Variants in DDX19B observed in about 807,000 individuals in gnomAD.
DDX19B encodes the protein ATP-dependent RNA helicase DDX19B.
In DDX19B, 27 loss-of-function variants were observed where a neutral mutation model predicts 58.1. The observed-to-expected ratio is 0.46, with a 90% CI of 0.34 to 0.64. The LOEUF is 0.64. Among genes scored for constraint, DDX19B ranks in the 30% least tolerant of loss-of-function variants. DDX19B has a pLI of 0.01. For missense variants in DDX19B, 399 were observed against 596.5 expected, an observed-to-expected ratio of 0.67 and a Z score of 3.45; for synonymous variants, 187 against 214.4, an observed-to-expected ratio of 0.87 and a Z score of 1.12.
chr16:70,311,779 T>TA (rs1038228957), intron 1 of DDX19B, among the ~76,000 whole-genome samples: 3 of 152,200 alleles, frequency 2.0e-5, no homozygotes. Context: ...ACTGTGGTCT[T>TA]ACGGCTCTAA....
intron 5 of DDX19B, among the ~76,000 whole-genome samples, chr16:70,323,016 G>A (rs1391956427): frequency 1.3e-5 from 2 of 151,758 alleles, no homozygotes; most frequent in East Asian, 3.9e-4. Flanking sequence ...TCTTCTGTTT[G>A]TTTGTTTGTT....
At chr16:70,304,272 C>G (rs1446784036) in intron 1 of DDX19B, among the ~76,000 whole-genome samples, 2 of 151,646 alleles carry the variant, frequency 1.3e-5, no homozygotes, top group Non-Finnish European at 2.9e-5. Flanking sequence ...AACTGCTGAC[C>G]TCATGATCTG....
intron 8 of DDX19B, 142 bp from the exon 9 acceptor site, chr16:70,329,689 C>A (rs567676895): frequency 1.6e-6 from 2 of 1,286,778 alleles, no homozygotes; most frequent in Non-Finnish European, 2.2e-6. Flanking sequence ...CTGTCCCCAT[C>A]CCAGGCCTGC....
chr16:70,315,319 A>G (rs1962322168), intron 3 of DDX19B, among the ~76,000 whole-genome samples: 1 of 151,392 alleles, frequency 6.6e-6, no homozygotes, highest in South Asian at 2.1e-4. Context: ...CCCGGGAAGC[A>G]GAGCTTGCCA....
intron 4 of DDX19B, among the ~76,000 whole-genome samples, chr16:70,317,055 A>C (rs966746005): frequency 3.3e-5 from 5 of 151,988 alleles, no homozygotes; most frequent in Non-Finnish European, 7.4e-5. Context: ...AAATACAAAA[A>C]AAATTAGCAG....
chr16:70,323,790 C>T (rs1597492128), intron 5 of DDX19B, among the ~76,000 whole-genome samples: 1 of 152,130 alleles, frequency 6.6e-6, no homozygotes, highest in Non-Finnish European at 1.5e-5. Context: ...ACTCTTACCC[C>T]CTACCCTGCT....
chr16:70,327,937 A>T (rs1963261871), intron 7 of DDX19B, among the ~76,000 whole-genome samples: 1 of 152,092 alleles, frequency 6.6e-6, no homozygotes, highest in East Asian at 1.9e-4. Context: ...GATCATTGTA[A>T]GGTTAGGAGT....
At chr16:70,315,778 T>C in intron 3 of DDX19B, 191 bp from the exon 4 acceptor site, 1 of 727,870 alleles carries the variant, frequency 1.4e-6, no homozygotes, top group Non-Finnish European at 2.1e-6. Flanking sequence ...ATATGAGGCC[T>C]AAATGGGTGA....
chr16:70,298,630 A>T (rs927631530), upstream of DDX19B, among the ~76,000 whole-genome samples: 1 of 151,912 alleles, frequency 6.6e-6, no homozygotes, highest in Non-Finnish European at 1.5e-5. Context: ...CTGGGATTAC[A>T]TGCATGAGCC....
chr16:70,335,039 A>AG lies in DDX19B; in HGVS notation c.*1461dup, dbSNP rs1427006618. 1 of 152,178 alleles carries AG rather than the reference A, an allele frequency of 6.6e-6. No individual in the cohort carries two copies. The highest frequency in any genetic ancestry group is 1.5e-5 in the Non-Finnish European group (1 of 68,058). 9.4% of individuals were successfully genotyped at this position (152,178 alleles called of 1,614,324 possible). ...GCCAGATCTGCCTCCTGGGAAGGGA[A>AG]GGGGCCAATGTCAGCCTCCAGGTGA... On this transcript the variant is annotated 3_prime_UTR_variant, in exon 12 of 12. Transcript: ENST00000288071.
upstream of DDX19B, among the ~76,000 whole-genome samples, chr16:70,293,340 A>G (rs1484565829): frequency 6.6e-6 from 1 of 151,250 alleles, no homozygotes; most frequent in Non-Finnish European, 1.5e-5. Flanking sequence ...ATAGCTTGAG[A>G]CAGGGAAGTA....
At chr16:70,299,178 T>G (rs1961343549), upstream of DDX19B, 4 of 1,378,722 alleles carry the variant, frequency 2.9e-6, no homozygotes, top group Admixed American at 3.5e-5. Context: ...GCGCGCCGCT[T>G]CCGGTCTGCA....
chr16:70,294,971 T>C, upstream of DDX19B: 1 of 1,447,234 alleles, frequency 6.9e-7, no homozygotes, highest in South Asian at 1.4e-5. Flanking sequence ...TTTAGGTGCC[T>C]TCCTCGCCCC....
upstream of DDX19B, chr16:70,289,808 A>G (rs900377257): frequency 1.0e-4 from 41 of 402,440 alleles, no homozygotes; most frequent in South Asian, 5.7e-4. Flanking sequence ...TTCCATAGGC[A>G]AAGTCCTAAC....
upstream of DDX19B, among the ~76,000 whole-genome samples, chr16:70,291,522 T>G (rs1024901410): frequency 6.6e-6 from 1 of 152,024 alleles, no homozygotes; most frequent in Non-Finnish European, 1.5e-5. Flanking sequence ...TTAAAATAAT[T>G]TTTTGGCCTA....
rs551768423 is a variant in DDX19B at position 70,327,123 on chromosome 16, T to C, written c.607+1435T>C. ...TGCTGGGATTACAGGCGTGAGCCACTGCGCCTGGCCGCCTTCTTTTTTTTA... is the reference window on the plus strand; with the variant it reads ...TGCTGGGATTACAGGCGTGAGCCACCGCGCCTGGCCGCCTTCTTTTTTTTA... On this transcript the variant is annotated intron_variant, in intron 7 of 11. Transcript: ENST00000288071. Among the ~76,000 whole-genome samples the C allele has an allele frequency of 1.4e-4, 21 of 151,726 alleles. No homozygotes were observed. The South Asian group carries it at 2.3e-3, about 17-fold the overall frequency.
At chr16:70,325,525 C>A in intron 6 of DDX19B, 49 bp from the exon 7 acceptor site, 1 of 1,338,494 alleles carries the variant, frequency 7.5e-7, no homozygotes. Flanking sequence ...TTCCCCTTTG[C>A]AAAAGAGCTA....
At chr16:70,323,413 CT>C (rs993792389) in intron 5 of DDX19B, among the ~76,000 whole-genome samples, 1 of 151,052 alleles carries the variant, frequency 6.6e-6, no homozygotes, top group African/African-American at 2.4e-5. Context: ...ACCTTGCCTG[CT>C]TTTTTTCTTT....
intron 1 of DDX19B, among the ~76,000 whole-genome samples, chr16:70,307,100 A>AT (rs1223945608): frequency 6.6e-6 from 1 of 152,156 alleles, no homozygotes; most frequent in Non-Finnish European, 1.5e-5. Flanking sequence ...GATATACCAC[A>AT]TTTTATTTAT....
Sources: allele counts gnomAD v4.1 joint callset (sites outside exome capture counted in the v4.1 genomes callset), GRCh38; gene constraint gnomAD v4.1.1; transcripts MANE v1.5; gene names NCBI Gene and HGNC (gene_info 2026-07-23, HGNC 2026-07-21).